Variants in COL4A4 observed in about 807,000 individuals in gnomAD.
COL4A4 encodes the protein collagen type IV alpha 4 chain.
Under a neutral mutation model 192.9 loss-of-function variants are expected in COL4A4, and 105 were observed. The observed-to-expected ratio is 0.54, with a 90% CI of 0.46 to 0.64. The LOEUF (loss-of-function observed/expected upper bound fraction) is 0.64. COL4A4 is among the 30% of genes least tolerant of loss of function. The pLI is 0.00. For synonymous variants in COL4A4, 762 were observed against 769.9 expected, an observed-to-expected ratio of 0.99 and a Z score of 0.17; for missense variants, 1,967 against 2,169.3, an observed-to-expected ratio of 0.91 and a Z score of 1.85.
rs200761108 is a variant in COL4A4 at position 227,056,014 on chromosome 2, G to T, written c.2647C>A (p.Pro883Thr). The T allele has an allele frequency of 4.8e-5, 77 of 1,613,320 alleles. No homozygotes were observed. In the African/African-American group the frequency reaches 9.6e-4, roughly 20 times the overall value. The change falls in exon 30 of 48, where the codon CCC becomes ACC. Residue 883 changes from proline (P) to threonine (T), a missense_variant. Pro to Thr is a conservative substitution (Grantham distance 38, BLOSUM62 -1). Coordinates refer to ENST00000396625, the MANE Select transcript of COL4A4 (RefSeq NM_000092.5). The stretch of plus-strand genomic sequence containing the variant: ...CCTGGGATTCCTGGGAGGCCTGGGG[G>T]ACCATGTGCCCCAGGCCGTCCTGGG... ...GLPGRPGAHG[P>T]PGLPGIPGPF... is the part of the protein sequence containing the mutation.
intron 4 of COL4A4, among the ~76,000 whole-genome samples, chr2:227,135,928 A>G (rs1204704923): frequency 6.6e-6 from 1 of 151,908 alleles, no homozygotes; most frequent in African/African-American, 2.4e-5. Context: ...ACAGGCGTGA[A>G]CCACCATGCC....
intron 4 of COL4A4, among the ~76,000 whole-genome samples, chr2:227,134,960 A>G (rs539753779): frequency 5.3e-5 from 8 of 152,260 alleles, no homozygotes; most frequent in Non-Finnish European, 1.0e-4. Flanking sequence ...AGTATAACTT[A>G]TAAAAGGTCC....
intron 4 of COL4A4, among the ~76,000 whole-genome samples, chr2:227,121,755 A>T (rs2061809272): frequency 6.6e-6 from 1 of 152,146 alleles, no homozygotes; most frequent in South Asian, 2.1e-4. Context: ...GTATGTGTGC[A>T]GTATGTATGT....
At chr2:227,161,474 G>T (rs925502099) in intron 1 of COL4A4, among the ~76,000 whole-genome samples, 3 of 152,200 alleles carry the variant, frequency 2.0e-5, no homozygotes, top group African/African-American at 4.8e-5. Context: ...AGAACCAACT[G>T]TGAAAAATCA....
chr2:227,013,650 G>C (rs1013012565), intron 44 of COL4A4, among the ~76,000 whole-genome samples: 1 of 152,204 alleles, frequency 6.6e-6, no homozygotes, highest in Admixed American at 6.5e-5. Context: ...TCTGCATCCC[G>C]AACTGTGAAA....
At position 227,022,058 on chromosome 2, in the gene COL4A4, G is replaced by C; in HGVS notation, c.4206C>G (p.Pro1402=). 6.2e-7 allele frequency: 1 copy of C among 1,613,902 alleles called. No individual in the cohort carries two copies. The highest frequency in any genetic ancestry group is 2.2e-5 in the East Asian group (1 of 44,854). The part of the protein sequence containing the change: ...GAMGLPGMRG[P]SGPGCKGEPG... The stretch of plus-strand genomic sequence containing the variant: ...GCATGCGGCTCATACCTGGTCCTGA[G>C]GGGCCTCTCATTCCAGGGAGCCCCA... Residue 1402 remains proline, a synonymous_variant, in exon 44 of 48, where the codon CCC becomes CCG. Coordinates refer to ENST00000396625, the MANE Select transcript of COL4A4 (RefSeq NM_000092.5).
chr2:227,060,333 T>C (rs1399877403), intron 26 of COL4A4, 90 bp from the exon 27 acceptor site: 1 of 901,844 alleles, frequency 1.1e-6, no homozygotes, highest in Admixed American at 2.1e-5. Flanking sequence ...CTATGTTAAG[T>C]CCTTTTAGAA....
At chr2:227,035,529 CAAA>C (rs112442514) in intron 37 of COL4A4, among the ~76,000 whole-genome samples, 24 of 125,652 alleles carry the variant, frequency 1.9e-4, no homozygotes, top group East Asian at 2.3e-4. Flanking sequence ...TCTCGTGCAC[CAAA>C]AAAAAAAAAA....
chr2:227,094,659 C>T (rs1337015168), intron 19 of COL4A4, among the ~76,000 whole-genome samples: 2 of 152,104 alleles, frequency 1.3e-5, no homozygotes, highest in African/African-American at 4.8e-5. Flanking sequence ...AATACTATAT[C>T]TTATATTTGA....
chr2:227,037,353 G>T (rs1030794129), intron 37 of COL4A4, among the ~76,000 whole-genome samples: 1 of 152,126 alleles, frequency 6.6e-6, no homozygotes, highest in Non-Finnish European at 1.5e-5. Flanking sequence ...TTCTGTTCCT[G>T]TGTTAGTTTG....
the COL4A4 span, among the ~76,000 whole-genome samples, chr2:226,991,149 CT>C: frequency 6.6e-6 from 1 of 152,282 alleles, no homozygotes; most frequent in Non-Finnish European, 1.5e-5. Context: ...CAGAATTGAG[CT>C]CTGTATTTTA....
chr2:227,056,199 C>G lies in COL4A4; in HGVS notation c.2546-84G>C, dbSNP rs1320777234. On this transcript the variant is annotated intron_variant, in intron 29 of 47. Transcript: ENST00000396625. ...CAGGAAAAATATACAGTAGCTTAAA[C>G]AATGCGTTAAACAACAGTAAAGCAA... 2.5e-6 allele frequency: 3 copies of G among 1,199,068 alleles called. 1 individual carries two copies. The highest frequency in any genetic ancestry group is 3.7e-6 in the Non-Finnish European group (3 of 804,098). 74.3% of individuals were successfully genotyped at this position (1,199,068 alleles called of 1,614,324 possible).
chr2:227,158,607 T>G (rs1021682499), intron 1 of COL4A4, among the ~76,000 whole-genome samples: 12 of 152,024 alleles, frequency 7.9e-5, no homozygotes, highest in Admixed American at 2.6e-4. Flanking sequence ...AATATATAAA[T>G]AACTCTTACT....
chr2:227,013,549 C>T (rs1316368081), intron 44 of COL4A4, among the ~76,000 whole-genome samples: 4 of 152,150 alleles, frequency 2.6e-5, no homozygotes, highest in East Asian at 1.9e-4. Context: ...GGAGAGGCCA[C>T]GTGAGGACAC....
chr2:227,025,630 G>A (rs1441800752), intron 43 of COL4A4, among the ~76,000 whole-genome samples, 172 bp downstream of exon 43: 1 of 152,060 alleles, frequency 6.6e-6, no homozygotes, highest in Non-Finnish European at 1.5e-5. Context: ...CTAATATGAG[G>A]TTACTATATC....
At chr2:227,061,067 G>T (rs774050470) in intron 26 of COL4A4, among the ~76,000 whole-genome samples, 1 of 152,144 alleles carries the variant, frequency 6.6e-6, no homozygotes, top group Non-Finnish European at 1.5e-5. Context: ...TCTACAAGGA[G>T]TTATCTCAGC....
intron 22 of COL4A4, 35 bp downstream of exon 22, chr2:227,088,618 T>C: frequency 6.2e-7 from 1 of 1,612,990 alleles, no homozygotes. Context: ...CCATGTCTCT[T>C]TTAACTGGAA....
chr2:227,093,310 A>G (rs1396524659), intron 20 of COL4A4, among the ~76,000 whole-genome samples: 1 of 152,202 alleles, frequency 6.6e-6, no homozygotes, highest in Non-Finnish European at 1.5e-5. Context: ...AAAACAAAAC[A>G]AAACAAAACA....
At chr2:227,149,612 C>G (rs2063781886) in intron 1 of COL4A4, among the ~76,000 whole-genome samples, 1 of 151,716 alleles carries the variant, frequency 6.6e-6, no homozygotes, top group African/African-American at 2.4e-5. Flanking sequence ...TTTTTGAATA[C>G]TTAAACAGCA....
Sources: allele counts gnomAD v4.1 joint callset (sites outside exome capture counted in the v4.1 genomes callset), GRCh38; gene constraint gnomAD v4.1.1; transcripts MANE v1.5; gene names NCBI Gene and HGNC (gene_info 2026-07-23, HGNC 2026-07-21).